Variants in MLLT3 observed in about 807,000 individuals in gnomAD.
MLLT3 encodes MLLT3 super elongation complex subunit.
A neutral mutation model predicts 53.2 loss-of-function variants in MLLT3; 4 were observed. That is an observed-to-expected ratio of 0.08 (90% CI 0.04 to 0.17). The LOEUF is 0.17. Ranked by LOEUF, MLLT3 falls within the 10% of genes least tolerant of loss-of-function variation. MLLT3 has a pLI of 1.00. For missense variants in MLLT3, 569 were observed against 684.0 expected, an observed-to-expected ratio of 0.83 and a Z score of 1.87; for synonymous variants, 283 against 230.6, an observed-to-expected ratio of 1.23 and a Z score of -2.06.
intron 5 of MLLT3, among the ~76,000 whole-genome samples, chr9:20,371,920 A>C (rs2053604107): frequency 6.6e-6 from 1 of 152,250 alleles, no homozygotes; most frequent in African/African-American, 2.4e-5. Flanking sequence ...GCCATTATGA[A>C]CATTCATGAT....
At chr9:20,556,822 T>G (rs536604215) in intron 2 of MLLT3, among the ~76,000 whole-genome samples, 5 of 152,152 alleles carry the variant, frequency 3.3e-5, no homozygotes, top group Non-Finnish European at 7.3e-5. Flanking sequence ...ATGACAATGT[T>G]AGATTTTTCA....
intron 4 of MLLT3, among the ~76,000 whole-genome samples, chr9:20,420,844 A>G (rs1471338138): frequency 1.3e-5 from 2 of 152,236 alleles, no homozygotes; most frequent in African/African-American, 4.8e-5. Context: ...ATCCTTGAAT[A>G]AAGTTCAGAA....
intron 5 of MLLT3, among the ~76,000 whole-genome samples, chr9:20,369,677 A>G (rs1442143988): frequency 6.6e-6 from 1 of 152,180 alleles, no homozygotes; most frequent in African/African-American, 2.4e-5. Flanking sequence ...TATGTATTTT[A>G]TTTTTAAAAT....
intron 5 of MLLT3, among the ~76,000 whole-genome samples, chr9:20,405,054 A>G (rs1232565684): frequency 6.6e-6 from 1 of 152,186 alleles, no homozygotes; most frequent in Non-Finnish European, 1.5e-5. Flanking sequence ...ATATCAATAC[A>G]ATAGGTTGGA....
chr9:20,392,061 G>A (rs1024471046), intron 5 of MLLT3, among the ~76,000 whole-genome samples: 1 of 152,086 alleles, frequency 6.6e-6, no homozygotes, highest in Non-Finnish European at 1.5e-5. Context: ...GTCGGTAAGC[G>A]GGAACTTCAC....
intron 2 of MLLT3, among the ~76,000 whole-genome samples, chr9:20,591,907 G>C (rs573586904): frequency 6.6e-6 from 1 of 152,130 alleles, no homozygotes; most frequent in Non-Finnish European, 1.5e-5. Context: ...CACACTTGTA[G>C]CTAGTCACTC....
At chr9:20,539,821 C>T (rs1465799727) in intron 2 of MLLT3, among the ~76,000 whole-genome samples, 4 of 152,154 alleles carry the variant, frequency 2.6e-5, no homozygotes, top group Non-Finnish European at 4.4e-5. Flanking sequence ...CCAGCATTAA[C>T]TCAAAAGTCC....
At chr9:20,603,710 C>T (rs1241878357) in intron 2 of MLLT3, among the ~76,000 whole-genome samples, 2 of 152,000 alleles carry the variant, frequency 1.3e-5, no homozygotes, top group East Asian at 1.9e-4. Flanking sequence ...TCCGTTAGTA[C>T]TCATTGTGCC....
chr9:20,387,552 A>C (rs1443108757), intron 5 of MLLT3, among the ~76,000 whole-genome samples: 1 of 152,290 alleles, frequency 6.6e-6, no homozygotes, highest in Non-Finnish European at 1.5e-5. Context: ...ATGGCAGCTA[A>C]ACAATTTTAT....
intron 5 of MLLT3, among the ~76,000 whole-genome samples, chr9:20,408,846 A>G (rs1251921313): frequency 6.6e-6 from 1 of 152,216 alleles, no homozygotes; most frequent in African/African-American, 2.4e-5. Context: ...GCGGGAGGAA[A>G]TGAGAAACAA....
chr9:20,419,628 T>C (rs1327895405), intron 4 of MLLT3, among the ~76,000 whole-genome samples: 3 of 151,872 alleles, frequency 2.0e-5, no homozygotes, highest in Admixed American at 2.0e-4. Context: ...TCATTTGTAA[T>C]ACTGAAATCT....
intron 2 of MLLT3, among the ~76,000 whole-genome samples, chr9:20,475,856 G>T (rs1824506498): frequency 6.6e-6 from 1 of 152,076 alleles, no homozygotes; most frequent in African/African-American, 2.4e-5. Flanking sequence ...GTTGAAGGGA[G>T]AATATCAGTA....
chr9:20,580,577 C>T (rs1164706004), intron 2 of MLLT3, among the ~76,000 whole-genome samples: 2 of 152,022 alleles, frequency 1.3e-5, no homozygotes, highest in African/African-American at 4.8e-5. Flanking sequence ...GCACACTCTG[C>T]CTATAATGGT....
At chr9:20,619,980 G>C (rs1372980979) in intron 2 of MLLT3, among the ~76,000 whole-genome samples, 1 of 152,152 alleles carries the variant, frequency 6.6e-6, no homozygotes, top group Admixed American at 6.5e-5. Flanking sequence ...TTGGAACGTT[G>C]CTCAGAATCA....
chr9:20,508,094 C>T (rs986833909), intron 2 of MLLT3, among the ~76,000 whole-genome samples: 1 of 152,092 alleles, frequency 6.6e-6, no homozygotes, highest in Non-Finnish European at 1.5e-5. Flanking sequence ...TAGCATCTGT[C>T]TCCTACTAAC....
At chr9:20,454,740 T>TAG (rs1356156110) in intron 3 of MLLT3, among the ~76,000 whole-genome samples, 4 of 152,150 alleles carry the variant, frequency 2.6e-5, no homozygotes, top group Non-Finnish European at 5.9e-5. Context: ...CTTCATCACT[T>TAG]AAACTTCTAA....
chr9:20,534,696 A>C (rs1286181625), intron 2 of MLLT3, among the ~76,000 whole-genome samples: 3 of 152,010 alleles, frequency 2.0e-5, no homozygotes, highest in African/African-American at 7.2e-5. Context: ...ACCATCCCGG[A>C]TAACACAGTG....
chr9:20,464,169 T>C (rs994633559), intron 2 of MLLT3, among the ~76,000 whole-genome samples: 1 of 151,940 alleles, frequency 6.6e-6, no homozygotes, highest in African/African-American at 2.4e-5. Context: ...AAACTGGAAC[T>C]GTTTTTTATT....
At chr9:20,398,138 T>G (rs1036410793) in intron 5 of MLLT3, among the ~76,000 whole-genome samples, 1 of 152,098 alleles carries the variant, frequency 6.6e-6, no homozygotes, top group Non-Finnish European at 1.5e-5. Flanking sequence ...AGGGTCTCAC[T>G]CAGGCTGGAG....
Sources: allele counts gnomAD v4.1 joint callset (sites outside exome capture counted in the v4.1 genomes callset), GRCh38; gene constraint gnomAD v4.1.1; transcripts MANE v1.5; gene names NCBI Gene and HGNC (gene_info 2026-07-23, HGNC 2026-07-21).